STK32B: variants seen among roughly 807,000 people sequenced by gnomAD.
The protein encoded by STK32B is serine/threonine kinase 32B.
STK32B carries 43 observed loss-of-function variants against 52.6 expected under a neutral mutation model. The ratio of observed to expected loss-of-function variants is 0.82; its 90% CI spans 0.64 to 1.05. The LOEUF (loss-of-function observed/expected upper bound fraction) is 1.05, where lower values mean the gene tolerates loss of function less well. Ranked by LOEUF, STK32B falls within the 50% of genes least tolerant of loss-of-function variation. STK32B has a pLI of 0.00. For synonymous variants in STK32B, 238 were observed against 204.3 expected, an observed-to-expected ratio of 1.17 and a Z score of -1.41; for missense variants, 621 against 534.6, an observed-to-expected ratio of 1.16 and a Z score of -1.59.
intron 1 of STK32B, among the ~76,000 whole-genome samples, chr4:5,093,992 C>T (rs1426517444): frequency 6.6e-6 from 1 of 152,150 alleles, no homozygotes; most frequent in Admixed American, 6.5e-5. Flanking sequence ...GGTTGCCTGC[C>T]ATTTCAAGAA....
the STK32B span, among the ~76,000 whole-genome samples, chr4:5,043,953 C>T: frequency 2.6e-5 from 4 of 152,342 alleles, no homozygotes; most frequent in South Asian, 4.1e-4. Context: ...AGCAGTCCAG[C>T]CATTGCCTCC....
chr4:5,278,654 G>T (rs1727997058), intron 3 of STK32B, among the ~76,000 whole-genome samples: 1 of 152,134 alleles, frequency 6.6e-6, no homozygotes, highest in African/African-American at 2.4e-5. Flanking sequence ...TACCAATATT[G>T]TTACAGAGAG....
intron 9 of STK32B, among the ~76,000 whole-genome samples, chr4:5,461,507 G>A (rs1042954656): frequency 7.2e-5 from 11 of 152,152 alleles, no homozygotes; most frequent in African/African-American, 2.2e-4. Flanking sequence ...CAGCGCACAC[G>A]CACGTTTCTG....
chr4:5,076,670 A>T (rs17675362), intron 1 of STK32B, among the ~76,000 whole-genome samples: 24,675 of 152,158 alleles, frequency 0.16, 2,301 homozygotes, highest in Non-Finnish European at 0.21. Context: ...GCTGTGGAAA[A>T]TGTATGAAAA....
At chr4:5,221,854 CAAAAAAAAA>C (rs35134769) in intron 3 of STK32B, among the ~76,000 whole-genome samples, 1 of 81,132 alleles carries the variant, frequency 1.2e-5, no homozygotes, top group East Asian at 3.5e-4. Flanking sequence ...GACTCTGTCT[CAAAAAAAAA>C]AAAAAAAAAA....
At chr4:5,244,838 A>T (rs892186817) in intron 3 of STK32B, among the ~76,000 whole-genome samples, 1 of 152,176 alleles carries the variant, frequency 6.6e-6, no homozygotes, top group Non-Finnish European at 1.5e-5. Flanking sequence ...TTATGTACCC[A>T]GTAGTCATTC....
chr4:5,497,084 T>C (rs1720329649), intron 11 of STK32B, among the ~76,000 whole-genome samples: 1 of 152,210 alleles, frequency 6.6e-6, no homozygotes, highest in Non-Finnish European at 1.5e-5. Flanking sequence ...ATCAATGAGC[T>C]ATCATATCTT....
chr4:5,466,183 C>T (rs1717419228), intron 9 of STK32B, among the ~76,000 whole-genome samples: 1 of 152,048 alleles, frequency 6.6e-6, no homozygotes, highest in Non-Finnish European at 1.5e-5. Context: ...CTGACCACAG[C>T]GGGAGGAGCC....
intron 6 of STK32B, among the ~76,000 whole-genome samples, chr4:5,442,757 C>T (rs1432176652): frequency 6.6e-6 from 1 of 152,146 alleles, no homozygotes; most frequent in Admixed American, 6.5e-5. Context: ...TGTTCCTTTC[C>T]ATGTTTAGTT....
chr4:5,374,987 A>G (rs1403207108), intron 4 of STK32B, among the ~76,000 whole-genome samples: 2 of 152,168 alleles, frequency 1.3e-5, no homozygotes, highest in Non-Finnish European at 2.9e-5. Flanking sequence ...CTTTGAGGTA[A>G]TTAGAAGGAT....
chr4:5,049,869 G>A (rs558934856), upstream of STK32B, among the ~76,000 whole-genome samples: 68 of 152,284 alleles, frequency 4.5e-4, no homozygotes, highest in Admixed American at 2.4e-3. Flanking sequence ...TTACAGGTGT[G>A]AGCCCCCACG....
chr4:5,228,361 A>G (rs546348708), intron 3 of STK32B, among the ~76,000 whole-genome samples: 22 of 152,322 alleles, frequency 1.4e-4, no homozygotes, highest in Non-Finnish European at 2.5e-4. Flanking sequence ...GAAACTGGCC[A>G]TGCTGCAATT....
chr4:5,186,141 C>T lies in STK32B; in HGVS notation c.260+17691C>T, dbSNP rs556807436. On this transcript the variant is annotated intron_variant, in intron 3 of 11. Coordinates refer to ENST00000282908, the MANE Select transcript of STK32B (RefSeq NM_018401.3). ...CTAAGGGTGCAGTGGTGAAGACAGT[C>T]AGTATGGCTCCTGTCCTCTTGGAGT... Among the ~76,000 whole-genome samples, 6 of 152,292 alleles carry T rather than the reference C, an allele frequency of 3.9e-5. No homozygotes were observed. The South Asian group carries it at 1.2e-3, about 32-fold the overall frequency.
intron 3 of STK32B, among the ~76,000 whole-genome samples, chr4:5,287,818 G>C (rs1011421511): frequency 1.3e-5 from 2 of 152,036 alleles, no homozygotes; most frequent in South Asian, 2.1e-4. Flanking sequence ...TACAATTCAG[G>C]AGTTTTTAAT....
intron 3 of STK32B, among the ~76,000 whole-genome samples, chr4:5,318,563 C>G (rs2108933487): frequency 6.6e-6 from 1 of 152,164 alleles, no homozygotes; most frequent in South Asian, 2.1e-4. Context: ...TGAATTTATT[C>G]CAGATATATT....
intron 3 of STK32B, among the ~76,000 whole-genome samples, chr4:5,274,816 G>T (rs28532187): frequency 0.11 from 16,890 of 151,996 alleles, 1,092 homozygotes; most frequent in African/African-American, 0.18. Flanking sequence ...GCTGTTTGCC[G>T]CGGTTGCAGA....
chr4:5,315,470 AATATGC>A (rs1730608372), intron 3 of STK32B, among the ~76,000 whole-genome samples: 1 of 151,836 alleles, frequency 6.6e-6, no homozygotes, highest in African/African-American at 2.4e-5. Context: ...TCAAGTAATT[AATATGC>A]ATAAACTCAA....
At chr4:5,125,502 C>G (rs1219439361) in intron 1 of STK32B, among the ~76,000 whole-genome samples, 1 of 152,182 alleles carries the variant, frequency 6.6e-6, no homozygotes, top group East Asian at 1.9e-4. Context: ...TGCAGCAGCA[C>G]CTGGTGTGGG....
intron 3 of STK32B, among the ~76,000 whole-genome samples, chr4:5,283,941 T>C (rs1728379581): frequency 6.6e-6 from 1 of 152,214 alleles, no homozygotes; most frequent in African/African-American, 2.4e-5. Flanking sequence ...AGTAATATAC[T>C]GCCATACTGA....
Sources: allele counts gnomAD v4.1 joint callset (sites outside exome capture counted in the v4.1 genomes callset), GRCh38; gene constraint gnomAD v4.1.1; transcripts MANE v1.5; gene names NCBI Gene and HGNC (gene_info 2026-07-23, HGNC 2026-07-21).